The following PAPPA2 variants were observed in gnomAD, a reference collection of about 807,000 sequenced individuals.
PAPPA2 encodes pappalysin-2.
Under a neutral mutation model 176.4 loss-of-function variants are expected in PAPPA2, and 86 were observed. The observed-to-expected ratio is 0.49, with a 90% CI of 0.41 to 0.58. The LOEUF (loss-of-function observed/expected upper bound fraction) is 0.58, where lower values mean the gene tolerates loss of function less well. Among genes scored for constraint, PAPPA2 ranks in the 20% least tolerant of loss-of-function variants. The pLI is 0.00. For missense variants in PAPPA2, 2,073 were observed against 2,256.9 expected (o/e 0.92, Z 1.65); for synonymous variants, 809 against 852.2 (o/e 0.95, Z 0.88).
intron 1 of PAPPA2, among the ~76,000 whole-genome samples, chr1:176,469,125 G>A (rs1651761099): frequency 6.6e-6 from 1 of 152,186 alleles, no homozygotes; most frequent in Non-Finnish European, 1.5e-5. Flanking sequence ...GAAAGGAAGA[G>A]CATTGGTCTC....
intron 19 of PAPPA2, 49 bp from the exon 20 acceptor site, chr1:176,793,511 A>G: frequency 6.9e-7 from 1 of 1,458,940 alleles, no homozygotes; most frequent in South Asian, 1.2e-5. Flanking sequence ...AAGAAAAAGA[A>G]TGAGATCTGG....
chr1:176,634,288 G>GTA (rs1656530647), intron 3 of PAPPA2, among the ~76,000 whole-genome samples: 2 of 152,174 alleles, frequency 1.3e-5, no homozygotes, highest in Non-Finnish European at 2.9e-5. Context: ...CATATCCTTT[G>GTA]TAGGGACATG....
intron 4 of PAPPA2, among the ~76,000 whole-genome samples, chr1:176,684,296 AC>A (rs1221176424): frequency 2.0e-5 from 3 of 152,164 alleles, no homozygotes; most frequent in Non-Finnish European, 4.4e-5. Flanking sequence ...TTACACTAGT[AC>A]TTTAAAGCTT....
At chr1:176,464,020 T>C (rs1471972980) in intron 1 of PAPPA2, among the ~76,000 whole-genome samples, 2 of 152,196 alleles carry the variant, frequency 1.3e-5, no homozygotes, top group Non-Finnish European at 2.9e-5. Context: ...AATATCTTAT[T>C]GGAACAGACA....
intron 21 of PAPPA2, among the ~76,000 whole-genome samples, chr1:176,839,173 G>T (rs1052748292): frequency 6.6e-6 from 1 of 152,168 alleles, no homozygotes; most frequent in Non-Finnish European, 1.5e-5. Context: ...ACGACTTTAT[G>T]GTTGGGCATC....
chr1:176,776,288 C>A (rs987650998), intron 17 of PAPPA2, among the ~76,000 whole-genome samples: 1 of 152,152 alleles, frequency 6.6e-6, no homozygotes, highest in Non-Finnish European at 1.5e-5. Flanking sequence ...AACTTCTAAA[C>A]GATTCAAACC....
At chr1:176,619,251 T>C (rs1344181090) in intron 3 of PAPPA2, among the ~76,000 whole-genome samples, 2 of 152,212 alleles carry the variant, frequency 1.3e-5, no homozygotes, top group African/African-American at 4.8e-5. Context: ...GTTAAACAGA[T>C]TGAAGTTAAA....
chr1:176,557,221 A>G lies in PAPPA2; in HGVS notation c.899A>G (p.Asn300Ser). The change falls in exon 2 of 23, where the codon AAC (asparagine) becomes AGC (serine). Residue 300 changes from asparagine (N) to serine (S), a missense_variant. Asn to Ser is a conservative substitution (Grantham distance 46, BLOSUM62 1). This residue lies in a region of PAPPA2 where 1,196 missense variants were observed against 1,330.4 expected (regional missense o/e 0.90). Transcript: ENST00000367662. ...TGGGTTAAACCGGAGGGAGGACAGA[A>G]CAACCCAGCCATCATCGCAGGTAAC... is the stretch of plus-strand genomic sequence containing the variant. ...EAWVKPEGGQ[N>S]NPAIIAGVFD... is the part of the protein sequence containing the mutation. The G allele has an allele frequency of 1.2e-6, 2 of 1,600,048 alleles. No individual in the cohort carries two copies. The highest frequency in any genetic ancestry group is 1.3e-5 in the African/African-American group (1 of 74,704).
At chr1:176,615,836 G>A (rs548865749) in intron 3 of PAPPA2, among the ~76,000 whole-genome samples, 2 of 152,266 alleles carry the variant, frequency 1.3e-5, no homozygotes, top group African/African-American at 4.8e-5. Flanking sequence ...ACCACATAAG[G>A]TCTAGAGTGT....
rs542524925 is a variant in PAPPA2, at chr1:176,486,749, G to A, written c.-917+23331G>A. On this transcript the variant is annotated intron_variant, in intron 1 of 22. Coordinates refer to ENST00000367662, the MANE Select transcript of PAPPA2 (RefSeq NM_020318.3). ...TGGATCCAGCAAAGGACGATGAGAG[G>A]GAGAGGCACAATGGGACTAGATTGT... Among the ~76,000 whole-genome samples, 33 of 152,258 alleles carry A rather than the reference G, an allele frequency of 2.2e-4. No homozygotes were observed. The South Asian group carries it at 6.9e-3, about 32-fold the overall frequency.
chr1:176,779,397 A>G (rs1224299269), intron 17 of PAPPA2, among the ~76,000 whole-genome samples: 1 of 151,572 alleles, frequency 6.6e-6, no homozygotes, highest in Non-Finnish European at 1.5e-5. Flanking sequence ...CTGTCTCCTG[A>G]GGGATTCTGG....
intron 3 of PAPPA2, among the ~76,000 whole-genome samples, chr1:176,657,001 C>T (rs1658072110): frequency 6.6e-6 from 1 of 151,828 alleles, no homozygotes; most frequent in South Asian, 2.1e-4. Context: ...AATCTCAGAC[C>T]CTGTGCTGAA....
chr1:176,517,110 G>A (rs955790402), intron 1 of PAPPA2, among the ~76,000 whole-genome samples: 5 of 151,876 alleles, frequency 3.3e-5, no homozygotes, highest in Admixed American at 2.0e-4. Context: ...TTGACCTTCC[G>A]CAAAAACCAG....
At chr1:176,673,283 T>C (rs1659109445) in intron 4 of PAPPA2, among the ~76,000 whole-genome samples, 1 of 152,182 alleles carries the variant, frequency 6.6e-6, no homozygotes, top group African/African-American at 2.4e-5. Context: ...CTAGCCTTCC[T>C]GGTAGCAATG....
At chr1:176,548,708 G>T (rs1029945901) in intron 1 of PAPPA2, among the ~76,000 whole-genome samples, 1 of 152,142 alleles carries the variant, frequency 6.6e-6, no homozygotes, top group Admixed American at 6.5e-5. Flanking sequence ...TCATAGAGGA[G>T]CTATATCACA....
At chr1:176,788,639 T>G (rs1342325504) in intron 17 of PAPPA2, among the ~76,000 whole-genome samples, 1 of 152,154 alleles carries the variant, frequency 6.6e-6, no homozygotes, top group Admixed American at 6.5e-5. Flanking sequence ...GAATCCTCAG[T>G]AGGGAGGACC....
intron 2 of PAPPA2, among the ~76,000 whole-genome samples, chr1:176,565,541 A>G (rs1651919896): frequency 6.6e-6 from 1 of 152,256 alleles, no homozygotes; most frequent in Admixed American, 6.5e-5. Flanking sequence ...CAAAACATAC[A>G]AAAATTAGCC....
Position 176,595,026 on chromosome 1 carries a change from G to A in PAPPA2, c.1422G>A (p.Lys474=), listed in dbSNP as rs745943681. Residue 474 remains lysine (K), a synonymous_variant, in exon 3 of 23, where the codon AAG becomes AAA. Coordinates refer to ENST00000367662, the MANE Select transcript of PAPPA2 (RefSeq NM_020318.3). ...AGTGGGTTCCCTTTAGAGATGAGAA[G>A]TACCCACGACTTGAGGTTCTCCAGG... ...NTEWVPFRDE[K]YPRLEVLQGF... 6.2e-7 allele frequency: 1 copy of A among 1,614,178 alleles called. No homozygotes were observed. The highest frequency in any genetic ancestry group is 8.5e-7 in the Non-Finnish European group (1 of 1,180,038).
Position 176,692,278 on chromosome 1 carries a change from A to G in PAPPA2, c.2584A>G (p.Ile862Val), listed in dbSNP as rs778283106. 1 of 1,613,900 alleles carries G rather than the reference A, an allele frequency of 6.2e-7. No homozygotes were observed. Among genetic ancestry groups the G allele is most frequent in the Non-Finnish European group, 8.5e-7 (1 of 1,179,854 alleles). ...VIGQTNKSLT[I>V]HWLPPISGVV... is the part of the protein sequence containing the mutation. ...CGGACAGACCAACAAGTCCCTCACT[A>G]TCCACTGGCTGCCTCCTATTAGTGG... Residue 862 changes from isoleucine to valine, a missense_variant, in exon 6 of 23, where the codon ATC becomes GTC. Physicochemically the swap from Ile to Val is conservative, Grantham distance 29. Transcript: ENST00000367662.
Sources: allele counts gnomAD v4.1 joint callset (sites outside exome capture counted in the v4.1 genomes callset), GRCh38; gene constraint gnomAD v4.1.1; regional missense constraint gnomAD v4.1.1; transcripts MANE v1.5; gene names NCBI Gene and HGNC (gene_info 2026-07-23, HGNC 2026-07-21).